The following FREM1 variants were observed in gnomAD, a reference collection of about 807,000 sequenced individuals.
The protein encoded by FREM1 is FRAS1 related extracellular matrix 1, also known as FRAS1-related extracellular matrix protein 1.
FREM1 carries 220 observed loss-of-function variants against 210.1 expected under a neutral mutation model. The observed-to-expected ratio is 1.05, with a 90% CI of 0.94 to 1.17. FREM1 has a LOEUF of 1.17. Among genes scored for constraint, FREM1 ranks in the 50% most tolerant of loss-of-function variants. The pLI is 0.00. For synonymous variants in FREM1, 1,189 were observed against 980.2 expected, an observed-to-expected ratio of 1.21 and a Z score of -3.98; for missense variants, 3,454 against 2,675.5, an observed-to-expected ratio of 1.29 and a Z score of -6.42.
At chr9:14,777,137 A>G (rs1303019910) in intron 24 of FREM1, among the ~76,000 whole-genome samples, 1 of 152,244 alleles carries the variant, frequency 6.6e-6, no homozygotes, top group Non-Finnish European at 1.5e-5. Flanking sequence ...TTGCAAAACT[A>G]TAAAAAGAAA....
chr9:14,783,895 T>C (rs1421420090), intron 24 of FREM1, among the ~76,000 whole-genome samples: 1 of 152,224 alleles, frequency 6.6e-6, no homozygotes, highest in African/African-American at 2.4e-5. Flanking sequence ...AGGCAGTCTC[T>C]GTTTATGCCA....
chr9:14,809,455 T>C (rs1314250225), intron 16 of FREM1, among the ~76,000 whole-genome samples: 3 of 152,182 alleles, frequency 2.0e-5, no homozygotes, highest in Non-Finnish European at 2.9e-5. Flanking sequence ...GTTGCCATTA[T>C]TTCCCGTTTA....
chr9:14,792,268 A>ACG (rs1554665316), intron 22 of FREM1, among the ~76,000 whole-genome samples: 42 of 104,690 alleles, frequency 4.0e-4, no homozygotes, highest in African/African-American at 1.3e-3. Context: ...ACCCACACAC[A>ACG]CACGCACACA....
chr9:14,859,888 C>A (rs1408038264), intron 3 of FREM1, among the ~76,000 whole-genome samples: 2 of 152,102 alleles, frequency 1.3e-5, no homozygotes, highest in African/African-American at 4.8e-5. Flanking sequence ...GGCCTTTTTG[C>A]CCTTCAGAAA....
At chr9:14,904,473 A>G (rs1564209273) in intron 1 of FREM1, among the ~76,000 whole-genome samples, 2 of 152,146 alleles carry the variant, frequency 1.3e-5, no homozygotes, top group South Asian at 2.1e-4. Context: ...AAAATTGTGT[A>G]ACTCTACATT....
chr9:14,842,349 C>T lies in FREM1; in HGVS notation c.1705G>A (p.Glu569Lys), dbSNP rs1825836410. The change falls in exon 9 of 37, where the codon GAG becomes AAG. Residue 569 changes from glutamate (E) to lysine (K), a missense_variant. Physicochemically the swap from Glu to Lys is moderately conservative, Grantham distance 56. Coordinates refer to ENST00000380880, the MANE Select transcript of FREM1 (RefSeq NM_001379081.2). ...FNITKPPQAG[E>K]IMKKPGPGLI... ...CCTGGCCCTGGCTTCTTCATGATCT[C>T]CCCAGCCTGTGGAGGCTTTGTGATA... 6.2e-7 allele frequency: 1 copy of T among 1,602,016 alleles called. No homozygotes were observed. The highest frequency in any genetic ancestry group is 8.5e-7 in the Non-Finnish European group (1 of 1,172,722).
intron 24 of FREM1, among the ~76,000 whole-genome samples, chr9:14,777,486 C>T (rs1244263669): frequency 2.0e-5 from 3 of 152,064 alleles, no homozygotes; most frequent in South Asian, 4.2e-4. Flanking sequence ...TAGCTTTTCT[C>T]CATGTACCAT....
chr9:14,863,692 T>C (rs1830989149), intron 3 of FREM1, 117 bp downstream of exon 3: 1 of 628,882 alleles, frequency 1.6e-6, no homozygotes, highest in Non-Finnish European at 2.8e-6. Flanking sequence ...GTTGATTACT[T>C]TCTTGTCTGG....
At chr9:14,866,740 G>C (rs891792059) in intron 2 of FREM1, among the ~76,000 whole-genome samples, 1 of 152,078 alleles carries the variant, frequency 6.6e-6, no homozygotes, top group Non-Finnish European at 1.5e-5. Flanking sequence ...TCAATCACCA[G>C]TCTTTATAAG....
intron 36 of FREM1, among the ~76,000 whole-genome samples, chr9:14,739,173 G>A (rs1185023670): frequency 6.6e-6 from 1 of 151,276 alleles, no homozygotes; most frequent in Non-Finnish European, 1.5e-5. Context: ...GCACAATCAC[G>A]GCTCACTGCA....
chr9:14,846,313 A>G (rs1200736619), intron 7 of FREM1, among the ~76,000 whole-genome samples: 1 of 152,160 alleles, frequency 6.6e-6, no homozygotes. Flanking sequence ...GAACAATGAG[A>G]ACACATGGAC....
At chr9:14,796,120 T>A (rs1852329155) in intron 21 of FREM1, among the ~76,000 whole-genome samples, 1 of 152,192 alleles carries the variant, frequency 6.6e-6, no homozygotes, top group African/African-American at 2.4e-5. Context: ...ATAATGCTTT[T>A]TAAGAACCTT....
chr9:14,823,071 C>A, intron 13 of FREM1, 89 bp downstream of exon 13: 5 of 973,620 alleles, frequency 5.1e-6, no homozygotes, highest in South Asian at 2.8e-5. Flanking sequence ...AAAAAACTAG[C>A]CTAAAGGAAA....
intron 1 of FREM1, among the ~76,000 whole-genome samples, chr9:14,872,904 T>C (rs1289351913): frequency 6.6e-6 from 1 of 151,340 alleles, no homozygotes; most frequent in Non-Finnish European, 1.5e-5. Context: ...GTCAAAGGCC[T>C]TTTCTGCATC....
At chr9:14,845,061 T>C (rs777768826) in intron 8 of FREM1, among the ~76,000 whole-genome samples, 4 of 152,190 alleles carry the variant, frequency 2.6e-5, no homozygotes, top group Non-Finnish European at 5.9e-5. Flanking sequence ...CAAATGATGG[T>C]GAGAGTTATC....
intron 31 of FREM1, among the ~76,000 whole-genome samples, 155 bp downstream of exon 31, chr9:14,748,246 A>G (rs1842798714): frequency 6.6e-6 from 1 of 152,216 alleles, no homozygotes; most frequent in Non-Finnish European, 1.5e-5. Flanking sequence ...ATCTTTGTAT[A>G]CAGAAGGCAC....
At chr9:14,857,289 G>A (rs942501029) in intron 5 of FREM1, among the ~76,000 whole-genome samples, 4 of 152,150 alleles carry the variant, frequency 2.6e-5, no homozygotes, top group Admixed American at 1.3e-4. Context: ...AGGTTAGCAC[G>A]TAACTAGCCC....
Position 14,848,662 on chromosome 9 carries a change from T to C in FREM1, c.1261+3A>G. 6.4e-7 allele frequency: 1 copy of C among 1,561,720 alleles called. No homozygotes were observed. Among genetic ancestry groups the C allele is most frequent in the Non-Finnish European group, 8.8e-7 (1 of 1,132,708 alleles). On this transcript the variant is annotated splice_donor_region_variant and intron_variant, in intron 7 of 36. Transcript: ENST00000380880. ...TTGCTCTATGCCTTATATTGAGCTTTACCTGTATTCCAGGATACACGGGGG... is the reference window on the plus strand; with the variant it reads ...TTGCTCTATGCCTTATATTGAGCTTCACCTGTATTCCAGGATACACGGGGG...
intron 10 of FREM1, among the ~76,000 whole-genome samples, chr9:14,838,296 C>G (rs940419520): frequency 2.6e-5 from 4 of 152,124 alleles, no homozygotes; most frequent in African/African-American, 9.7e-5. Flanking sequence ...ATCATTTTAT[C>G]TGGACTTCTA....
Sources: allele counts gnomAD v4.1 joint callset (sites outside exome capture counted in the v4.1 genomes callset), GRCh38; gene constraint gnomAD v4.1.1; transcripts MANE v1.5; gene names NCBI Gene and HGNC (gene_info 2026-07-23, HGNC 2026-07-21).